The following BTBD2 variants were observed in gnomAD, a reference collection of about 807,000 sequenced individuals.
BTBD2 encodes BTB domain containing 2.
A neutral mutation model predicts 44.0 loss-of-function variants in BTBD2; 15 were observed. That is an observed-to-expected ratio of 0.34 (90% CI 0.23 to 0.53). The LOEUF (loss-of-function observed/expected upper bound fraction) is 0.53. Among genes scored for constraint, BTBD2 ranks in the 20% least tolerant of loss-of-function variants. The pLI is 0.95. For synonymous variants in BTBD2, 443 were observed against 335.9 expected, an observed-to-expected ratio of 1.32 and a Z score of -3.49; for missense variants, 657 against 746.4, an observed-to-expected ratio of 0.88 and a Z score of 1.39.
At chr19:2,005,520 G>A (rs1035959607) in intron 1 of BTBD2, among the ~76,000 whole-genome samples, 1 of 152,030 alleles carries the variant, frequency 6.6e-6, no homozygotes, top group Non-Finnish European at 1.5e-5. Context: ...AGTGGCTCAT[G>A]TCTGTCATCC....
At chr19:1,992,957 C>A in intron 3 of BTBD2, 63 bp downstream of exon 3, 1 of 842,444 alleles carries the variant, frequency 1.2e-6, no homozygotes, top group South Asian at 2.0e-5. Context: ...TCGGTCCGCC[C>A]CACCCCGGCC....
chr19:1,988,635 C>T (rs982640154), intron 5 of BTBD2: 2 of 151,470 alleles, frequency 1.3e-5, no homozygotes, highest in Admixed American at 6.6e-5. Flanking sequence ...CGGAGTTTCG[C>T]TCTTGTCCCC....
rs2145615444 is a variant in BTBD2 at position 1,987,160 on chromosome 19, T to G, written c.1269+6A>C. The stretch of plus-strand genomic sequence containing the variant: ...GGGGCCTGGGGATGAGGCTTGGGGC[T>G]GGTACCTGGATGTTCACTTGGTAGT... On this transcript the variant is annotated splice_donor_region_variant and intron_variant, in intron 7 of 8. Transcript: ENST00000255608. 1 of 1,613,334 alleles carries G rather than the reference T, an allele frequency of 6.2e-7. No individual in the cohort carries two copies. Among genetic ancestry groups the G allele is most frequent in the Non-Finnish European group, 8.5e-7 (1 of 1,179,462 alleles).
rs142260719 is a variant in BTBD2, at chr19:2,007,937, G to A, written c.407+7360C>T. Among the ~76,000 whole-genome samples, 7 of 152,190 alleles carry A rather than the reference G, an allele frequency of 4.6e-5. No homozygotes were observed. In the East Asian group the frequency reaches 9.6e-4, roughly 21 times the overall value. The stretch of plus-strand genomic sequence containing the variant: ...CTGTATTTCAGTGAGTATCTGTAGG[G>A]TGGACAGATGGGTGGATGTGGGTGA... On this transcript the variant is annotated intron_variant, in intron 1 of 8. Coordinates refer to ENST00000255608, the MANE Select transcript of BTBD2 (RefSeq NM_017797.4).
intron 1 of BTBD2, among the ~76,000 whole-genome samples, chr19:2,002,008 T>C (rs542201534): frequency 7.9e-5 from 12 of 152,342 alleles, no homozygotes; most frequent in Non-Finnish European, 1.5e-4. Flanking sequence ...CCCAAAGTGC[T>C]GGGATTACAG....
intron 1 of BTBD2, among the ~76,000 whole-genome samples, chr19:2,013,068 C>T (rs1359757548): frequency 2.0e-5 from 3 of 152,190 alleles, no homozygotes; most frequent in African/African-American, 7.2e-5. Flanking sequence ...CGGCACAAGC[C>T]GTAGGAGGCC....
Position 2,003,794 on chromosome 19 carries a change from GAAAAGA to G in BTBD2, c.408-6337_408-6332del, listed in dbSNP as rs539453872. 5.9e-3 allele frequency among the ~76,000 whole-genome samples: 648 copies of G among 109,622 alleles called. 6 individuals carry two copies. The highest frequency in any genetic ancestry group is 0.017 in the African/African-American group (589 of 34,154). 71.9% of individuals were successfully genotyped at this position (109,622 alleles called of 152,430 possible). ...CAAAGAAAAAAAAAAAAAAGAGAAA[GAAAAGA>G]AAAGAAAAGAAAAAGGAATCTCTGG... On this transcript the variant is annotated intron_variant, in intron 1 of 8. Coordinates refer to ENST00000255608, the MANE Select transcript of BTBD2 (RefSeq NM_017797.4).
intron 5 of BTBD2, chr19:1,987,906 G>C: frequency 1.7e-6 from 1 of 573,404 alleles, no homozygotes; most frequent in Non-Finnish European, 3.1e-6. Flanking sequence ...GAGGCCGACA[G>C]ATACGCTCAC....
Position 1,999,505 on chromosome 19 carries a change from A to C in BTBD2, c.408-2042T>G, listed in dbSNP as rs2016297564. Among the ~76,000 whole-genome samples the C allele has an allele frequency of 2.6e-5, 4 of 152,106 alleles. No individual in the cohort carries two copies. In the South Asian group the frequency reaches 8.3e-4, roughly 32 times the overall value. On this transcript the variant is annotated intron_variant, in intron 1 of 8. Coordinates refer to ENST00000255608, the MANE Select transcript of BTBD2 (RefSeq NM_017797.4). The stretch of plus-strand genomic sequence containing the variant: ...ACATAGTGAGACCCCATCTCTACAA[A>C]AACATTGAAAATTAGCCAGGCATCG...
chr19:2,008,589 C>CG lies in BTBD2; in HGVS notation c.407+6707_407+6708insC, dbSNP rs1204551829. On this transcript the variant is annotated intron_variant, in intron 1 of 8. Transcript: ENST00000255608. ...TACAGGCGTGAGCCACTGTGCCCAG[C>CG]TTTTTTTTTTTTTTTTTTTAGGGAC... Among the ~76,000 whole-genome samples, 17 of 126,576 alleles carry CG rather than the reference C, an allele frequency of 1.3e-4. No homozygotes were observed. In the East Asian group the frequency reaches 3.4e-3, roughly 26 times the overall value. 83.0% of individuals were successfully genotyped at this position (126,576 alleles called of 152,430 possible).
intron 1 of BTBD2, among the ~76,000 whole-genome samples, chr19:2,006,377 A>G (rs1339912748): frequency 2.0e-5 from 3 of 152,044 alleles, no homozygotes; most frequent in African/African-American, 7.2e-5. Context: ...CAAACCAGAT[A>G]AAAGTAAACA....
At chr19:2,011,600 A>C (rs922769427) in intron 1 of BTBD2, among the ~76,000 whole-genome samples, 1 of 152,090 alleles carries the variant, frequency 6.6e-6, no homozygotes, top group Non-Finnish European at 1.5e-5. Flanking sequence ...ACCCTCCTGA[A>C]ATGCTAAGGA....
intron 1 of BTBD2, among the ~76,000 whole-genome samples, chr19:2,005,153 C>T (rs944647609): frequency 4.6e-5 from 7 of 152,078 alleles, no homozygotes; most frequent in African/African-American, 1.7e-4. Context: ...TCCATGGAAT[C>T]TGTGAACCGC....
At chr19:2,000,499 C>A (rs2016315282) in intron 1 of BTBD2, among the ~76,000 whole-genome samples, 1 of 152,232 alleles carries the variant, frequency 6.6e-6, no homozygotes, top group African/African-American at 2.4e-5. Flanking sequence ...GGGAGCACCT[C>A]TGACATGGGC....
At chr19:1,998,832 G>C (rs892892095) in intron 1 of BTBD2, among the ~76,000 whole-genome samples, 5 of 152,032 alleles carry the variant, frequency 3.3e-5, no homozygotes, top group Non-Finnish European at 5.9e-5. Context: ...AGACGCTCGC[G>C]AAGTGGGATC....
rs1599344346 is a variant in BTBD2, at chr19:1,986,285, C to A, written c.*203G>T. 1 of 639,670 alleles carries A rather than the reference C, an allele frequency of 1.6e-6. No individual in the cohort carries two copies. The highest frequency in any genetic ancestry group is 2.7e-6 in the Non-Finnish European group (1 of 376,304). The allele number at this position is 639,670 out of a possible 1,614,324, so 39.6% of individuals were successfully genotyped here. ...GCCTGGCCACTGGCCTGGCCACCTCCCCGGCTGCCCTGATCCAGCAGCCAC... is the reference window on the plus strand; with the variant it reads ...GCCTGGCCACTGGCCTGGCCACCTCACCGGCTGCCCTGATCCAGCAGCCAC... On this transcript the variant is annotated 3_prime_UTR_variant, in exon 9 of 9. Transcript: ENST00000255608.
chr19:1,987,457 C>A (rs1599345827), intron 6 of BTBD2, 43 bp downstream of exon 6: 1 of 1,455,518 alleles, frequency 6.9e-7, no homozygotes, highest in Non-Finnish European at 9.3e-7. Flanking sequence ...CCGAGTCCTC[C>A]ACCCCCATGT....
intron 1 of BTBD2, among the ~76,000 whole-genome samples, chr19:2,013,275 A>G (rs763599270): frequency 2.0e-5 from 3 of 151,944 alleles, no homozygotes; most frequent in Non-Finnish European, 2.9e-5. Context: ...CCCCCGACCA[A>G]TGAGGGGCAG....
At position 2,014,817 on chromosome 19, in the gene BTBD2, TACAGGGCCTGGGATCCCGGGGA is replaced by T. The variant is rs1298265705; in HGVS notation, c.407+458_407+479del. Among the ~76,000 whole-genome samples, 3 of 137,332 alleles carry T rather than the reference TACAGGGCCTGGGATCCCGGGGA, an allele frequency of 2.2e-5. 1 individual carries two copies. Among genetic ancestry groups the T allele is most frequent in the African/African-American group, 8.5e-5 (3 of 35,384 alleles). 90.1% of individuals were successfully genotyped at this position (137,332 alleles called of 152,430 possible). A position where few individuals can be genotyped will look rare whatever the true frequency, so the allele number is the denominator to read the frequency against. The stretch of plus-strand genomic sequence containing the variant: ...CGGAGGAGAGCAGGGGTCCCAGGGG[TACAGGGCCTGGGATCCCGGGGA>T]ACAGGCTGGGGGCGCAAGCCAGAGG... On this transcript the variant is annotated intron_variant, in intron 1 of 8. Coordinates refer to ENST00000255608, the MANE Select transcript of BTBD2 (RefSeq NM_017797.4).
Sources: gnomAD v4.1 joint callset for allele counts (sites outside exome capture counted in the v4.1 genomes callset) on GRCh38, gnomAD v4.1.1 for gene constraint, MANE v1.5 for transcripts, NCBI Gene and HGNC (gene_info 2026-07-23, HGNC 2026-07-21) for gene names.